Variants in ACOXL observed in about 807,000 individuals in gnomAD.
ACOXL encodes acyl-coenzyme A oxidase-like protein.
A neutral mutation model predicts 71.9 loss-of-function variants in ACOXL; 70 were observed. That is an observed-to-expected ratio of 0.97 (90% CI 0.80 to 1.19). The LOEUF is 1.19. ACOXL is among the 50% of genes most tolerant of loss of function. The pLI is 0.00. For synonymous variants in ACOXL, 253 were observed against 281.6 expected (o/e 0.90, Z 1.02); for missense variants, 703 against 736.3 (o/e 0.95, Z 0.52).
chr2:110,822,528 A>G (rs1011069041), intron 9 of ACOXL, among the ~76,000 whole-genome samples: 2 of 152,214 alleles, frequency 1.3e-5, no homozygotes, highest in Non-Finnish European at 2.9e-5. Context: ...GTCTTACTAC[A>G]TTCGGCTCCA....
intron 10 of ACOXL, among the ~76,000 whole-genome samples, chr2:110,884,384 A>G (rs1032692558): frequency 3.9e-5 from 6 of 152,332 alleles, no homozygotes; most frequent in Middle Eastern, 3.4e-3. Context: ...TCCTGTTTTC[A>G]GAAAGAAAAG....
At chr2:110,998,450 C>G (rs778911146) in intron 14 of ACOXL, among the ~76,000 whole-genome samples, 4 of 152,190 alleles carry the variant, frequency 2.6e-5, no homozygotes, top group Non-Finnish European at 5.9e-5. Context: ...CAGTGCGGCT[C>G]CTTTAAGTGA....
chr2:110,773,615 C>T (rs888190515), intron 2 of ACOXL, among the ~76,000 whole-genome samples: 9 of 152,200 alleles, frequency 5.9e-5, no homozygotes, highest in Admixed American at 6.5e-5. Context: ...TTGGCTCTGC[C>T]GCCCTGGCCT....
intron 1 of ACOXL, among the ~76,000 whole-genome samples, chr2:110,742,758 A>T (rs139694878): frequency 2.8e-3 from 430 of 152,318 alleles, no homozygotes; most frequent in Non-Finnish European, 4.7e-3. Flanking sequence ...TGGATTAAAG[A>T]CTTAACTTAA....
chr2:111,091,983 A>G (rs754970466), intron 16 of ACOXL, among the ~76,000 whole-genome samples: 2 of 152,162 alleles, frequency 1.3e-5, no homozygotes, highest in African/African-American at 2.4e-5. Flanking sequence ...GATCATTTCT[A>G]TTTGACTCAG....
At chr2:110,853,058 C>T (rs1455132603) in intron 10 of ACOXL, among the ~76,000 whole-genome samples, 1 of 152,206 alleles carries the variant, frequency 6.6e-6, no homozygotes, top group Non-Finnish European at 1.5e-5. Context: ...TCTGCATCCC[C>T]TCCACTGCCA....
At chr2:110,846,050 C>T (rs1336524113) in intron 10 of ACOXL, among the ~76,000 whole-genome samples, 1 of 152,076 alleles carries the variant, frequency 6.6e-6, no homozygotes, top group Non-Finnish European at 1.5e-5. Flanking sequence ...CATGTTGACC[C>T]CAAACCCAGA....
At chr2:111,088,337 T>C (rs545046928) in intron 16 of ACOXL, among the ~76,000 whole-genome samples, 1 of 152,346 alleles carries the variant, frequency 6.6e-6, no homozygotes, top group East Asian at 1.9e-4. Flanking sequence ...TAAGGATACA[T>C]GCATGCCTGT....
rs1288071777 is a variant in ACOXL at position 111,081,288 on chromosome 2, G to C, written c.1441-11577G>C. Among the ~76,000 whole-genome samples the C allele has an allele frequency of 1.3e-5, 2 of 152,228 alleles. 1 individual carries two copies. The highest frequency in any genetic ancestry group is 3.9e-4 in the East Asian group (2 of 5,184). On this transcript the variant is annotated intron_variant, in intron 16 of 17. Transcript: ENST00000439055. ...TAGAAAACCCCATCGTCTCAGCCCA[G>C]AATCTCCTTAAGCGTATAAGCAACT...
At chr2:110,775,891 A>G (rs1265622864) in intron 2 of ACOXL, among the ~76,000 whole-genome samples, 4 of 152,244 alleles carry the variant, frequency 2.6e-5, no homozygotes, top group Non-Finnish European at 1.5e-5. Context: ...AATGCGATCC[A>G]GAAATTCCAC....
chr2:111,081,553 T>C (rs1330416241), intron 16 of ACOXL, among the ~76,000 whole-genome samples: 1 of 152,204 alleles, frequency 6.6e-6, no homozygotes. Context: ...CATTCCATGC[T>C]CCTGGATAGG....
rs556764773 is a variant in ACOXL, at chr2:110,968,389, G to C, written c.1060-18719G>C. 2.4e-4 allele frequency: 273 copies of C among 1,154,350 alleles called. No homozygotes were observed. The African/African-American group carries it at 3.7e-3, about 16-fold the overall frequency. The allele number at this position is 1,154,350 out of a possible 1,614,324, so 71.5% of individuals were successfully genotyped here. ...CAGATGATTCCCTGGTTATGATTCT[G>C]AAAGCAAGGAATTTAATGCAGAAGT... On this transcript the variant is annotated intron_variant, in intron 12 of 17. Transcript: ENST00000439055.
At chr2:110,943,903 C>T (rs1379437108) in intron 12 of ACOXL, among the ~76,000 whole-genome samples, 1 of 145,788 alleles carries the variant, frequency 6.9e-6, no homozygotes, top group Admixed American at 6.9e-5. Context: ...TTAGTGCTTA[C>T]GTGGAGTAAC....
At chr2:110,856,213 C>T (rs1039567042) in intron 10 of ACOXL, among the ~76,000 whole-genome samples, 1 of 152,150 alleles carries the variant, frequency 6.6e-6, no homozygotes, top group Non-Finnish European at 1.5e-5. Context: ...TTCTCCAAGT[C>T]CCCACTCGAC....
intron 9 of ACOXL, among the ~76,000 whole-genome samples, chr2:110,809,480 A>G (rs1465506240): frequency 2.0e-5 from 3 of 152,244 alleles, no homozygotes; most frequent in African/African-American, 7.2e-5. Flanking sequence ...CAAGTTGTAC[A>G]GCGTGCCACA....
At chr2:110,995,709 G>A (rs115158358) in intron 13 of ACOXL, among the ~76,000 whole-genome samples, 184 bp from the exon 14 acceptor site, 237 of 152,002 alleles carry the variant, frequency 1.6e-3, no homozygotes, top group African/African-American at 5.1e-3. Context: ...ATAAACTAGA[G>A]CTAAGATTAC....
At chr2:110,968,094 T>A in intron 12 of ACOXL, 1 of 1,318,016 alleles carries the variant, frequency 7.6e-7, no homozygotes, top group Non-Finnish European at 1.1e-6. Flanking sequence ...CAAAATATGG[T>A]GTGAAGGTTG....
chr2:111,008,313 C>G (rs1313867156), intron 14 of ACOXL, among the ~76,000 whole-genome samples: 1 of 152,190 alleles, frequency 6.6e-6, no homozygotes. Flanking sequence ...AAAGTGTACT[C>G]AGAGAGCTAC....
chr2:111,005,497 G>A (rs997641290), intron 14 of ACOXL, among the ~76,000 whole-genome samples: 2 of 152,228 alleles, frequency 1.3e-5, no homozygotes, highest in African/African-American at 4.8e-5. Flanking sequence ...GTTGTGGTCA[G>A]TGTGCAACCT....
Sources: gnomAD v4.1 joint callset for allele counts (sites outside exome capture counted in the v4.1 genomes callset) on GRCh38, gnomAD v4.1.1 for gene constraint, MANE v1.5 for transcripts, NCBI Gene and HGNC (gene_info 2026-07-23, HGNC 2026-07-21) for gene names.